Variants in USP7 observed in about 807,000 individuals in gnomAD.
The protein encoded by USP7 is ubiquitin specific peptidase 7.
In USP7, 9 loss-of-function variants were observed where a neutral mutation model predicts 162.9. The observed-to-expected ratio is 0.06, with a 90% CI of 0.03 to 0.10. USP7 has a LOEUF of 0.10. Among genes scored for constraint, USP7 ranks in the 10% least tolerant of loss-of-function variants. USP7 has a pLI of 1.00. For missense variants in USP7, 715 were observed against 1,373.7 expected (o/e 0.52, Z 7.58); for synonymous variants, 562 against 475.9 (o/e 1.18, Z -2.35).
In USP7 at chr16:8,963,499, C is replaced by G. The variant is rs1428987824; in HGVS notation, c.-214G>C. 1 of 140,096 alleles carries G rather than the reference C, an allele frequency of 7.1e-6. No homozygotes were observed. Among genetic ancestry groups the G allele is most frequent in the Non-Finnish European group, 1.6e-5 (1 of 63,508 alleles). 8.7% of individuals were successfully genotyped at this position (140,096 alleles called of 1,614,324 possible). ...CGCGCACGTACTTGCTCGCGATTCG[C>G]CCAATCTCGGCGCCGAGGCGGGCGG... is the stretch of plus-strand genomic sequence containing the variant. On this transcript the variant is annotated 5_prime_UTR_variant, in exon 1 of 31. Coordinates refer to ENST00000344836, the MANE Select transcript of USP7 (RefSeq NM_003470.3).
At chr16:8,945,827 G>A (rs1346632836) in intron 1 of USP7, among the ~76,000 whole-genome samples, 1 of 151,980 alleles carries the variant, frequency 6.6e-6, no homozygotes, top group Non-Finnish European at 1.5e-5. Flanking sequence ...AAGGCAAGAA[G>A]ACTGCTTGAG....
At chr16:8,942,796 G>C (rs1470482075) in intron 1 of USP7, among the ~76,000 whole-genome samples, 1 of 152,120 alleles carries the variant, frequency 6.6e-6, no homozygotes, top group Non-Finnish European at 1.5e-5. Flanking sequence ...CAATCTCCCA[G>C]CTCGGCCTCC....
chr16:8,904,345 C>T, intron 15 of USP7, 90 bp downstream of exon 15: 2 of 1,558,406 alleles, frequency 1.3e-6, no homozygotes, highest in South Asian at 2.4e-5. Context: ...CCTGGGAGTC[C>T]CAGAGGGGTG....
At chr16:8,935,145 CG>C (rs1204600781) in intron 1 of USP7, among the ~76,000 whole-genome samples, 8 of 151,466 alleles carry the variant, frequency 5.3e-5, no homozygotes, top group African/African-American at 1.7e-4. Context: ...GCCACCTTTT[CG>C]GAAGTTTTTA....
intron 1 of USP7, among the ~76,000 whole-genome samples, chr16:8,938,812 T>C (rs1039046163): frequency 8.5e-5 from 13 of 152,156 alleles, no homozygotes; most frequent in Admixed American, 5.2e-4. Context: ...ACTATTTACA[T>C]AGCATTTACA....
chr16:8,899,042 A>AT, intron 23 of USP7, 79 bp downstream of exon 23: 1 of 1,454,776 alleles, frequency 6.9e-7, no homozygotes, highest in Non-Finnish European at 9.5e-7. Flanking sequence ...CTAATTATTA[A>AT]AATTAGTTCC....
At chr16:8,932,499 G>C (rs1012931042) in intron 1 of USP7, among the ~76,000 whole-genome samples, 1 of 152,088 alleles carries the variant, frequency 6.6e-6, no homozygotes, top group East Asian at 1.9e-4. Context: ...CTGTGGAAGG[G>C]GGTTAAGGAA....
intron 2 of USP7, among the ~76,000 whole-genome samples, chr16:8,928,082 C>A (rs1275242354): frequency 3.9e-5 from 6 of 152,220 alleles, no homozygotes; most frequent in Admixed American, 3.3e-4. Flanking sequence ...AAAGATAATT[C>A]TGATACTTGC....
intron 18 of USP7, 114 bp from the exon 19 acceptor site, chr16:8,901,348 C>A: frequency 1.4e-6 from 1 of 707,646 alleles, no homozygotes; most frequent in Non-Finnish European, 2.4e-6. Flanking sequence ...AGCTGAATAG[C>A]TCAATGACAA....
At chr16:8,924,560 T>G (rs559880510) in intron 2 of USP7, among the ~76,000 whole-genome samples, 7 of 152,358 alleles carry the variant, frequency 4.6e-5, no homozygotes, top group Non-Finnish European at 1.0e-4. Context: ...CTTGTAGGCT[T>G]GGGTAAAGAG....
At chr16:8,922,982 C>T (rs1897782658) in intron 3 of USP7, among the ~76,000 whole-genome samples, 1 of 152,192 alleles carries the variant, frequency 6.6e-6, no homozygotes, top group African/African-American at 2.4e-5. Flanking sequence ...TCCAGGCCGG[C>T]CCTGATTCCA....
chr16:8,910,456 G>A (rs1013099721), intron 11 of USP7, among the ~76,000 whole-genome samples: 3 of 152,166 alleles, frequency 2.0e-5, no homozygotes, highest in African/African-American at 7.2e-5. Context: ...AGGGAAAACT[G>A]GAGCAGTGAC....
At chr16:8,901,833 G>A (rs1207426965) in intron 18 of USP7, 1 of 525,398 alleles carries the variant, frequency 1.9e-6, no homozygotes, top group African/African-American at 1.9e-5. Context: ...GATTAGCACA[G>A]CACAGCAGCT....
At chr16:8,951,884 T>C (rs367783870) in intron 1 of USP7, among the ~76,000 whole-genome samples, 1 of 152,348 alleles carries the variant, frequency 6.6e-6, no homozygotes, top group East Asian at 1.9e-4. Flanking sequence ...TCTCTTTTTA[T>C]GCCACCAAAT....
At chr16:8,928,385 CAA>C (rs1275533869) in intron 2 of USP7, among the ~76,000 whole-genome samples, 1 of 152,202 alleles carries the variant, frequency 6.6e-6, no homozygotes, top group Non-Finnish European at 1.5e-5. Context: ...GAATCATTAA[CAA>C]AAACTTATTT....
At chr16:8,896,976 A>G in intron 26 of USP7, 23 bp downstream of exon 26, 1 of 1,590,024 alleles carries the variant, frequency 6.3e-7, no homozygotes, top group Non-Finnish European at 8.6e-7. Context: ...GAACGTCCAC[A>G]ATTGGGCTCA....
At chr16:8,954,343 T>G (rs1055142380) in intron 1 of USP7, among the ~76,000 whole-genome samples, 7 of 152,216 alleles carry the variant, frequency 4.6e-5, no homozygotes, top group African/African-American at 1.4e-4. Context: ...TTAAGAAATC[T>G]GACTCTGCTG....
intron 5 of USP7, 68 bp downstream of exon 5, chr16:8,920,291 A>G: frequency 7.4e-7 from 1 of 1,359,288 alleles, no homozygotes; most frequent in Non-Finnish European, 1.0e-6. Flanking sequence ...TATTACATGC[A>G]CGCTAAAGCT....
At chr16:8,962,755 G>C (rs547650556) in intron 1 of USP7, 1 of 164,140 alleles carries the variant, frequency 6.1e-6, no homozygotes, top group African/African-American at 2.4e-5. Context: ...TCCGAGCCAC[G>C]GCGCGCCCTC....
Sources: gnomAD v4.1 joint callset for allele counts (sites outside exome capture counted in the v4.1 genomes callset) on GRCh38, gnomAD v4.1.1 for gene constraint, MANE v1.5 for transcripts, NCBI Gene and HGNC (gene_info 2026-07-23, HGNC 2026-07-21) for gene names.